The following ROBO1 variants were observed in gnomAD, a reference collection of about 807,000 sequenced individuals.
The protein encoded by ROBO1 is roundabout guidance receptor 1.
In ROBO1, 149 loss-of-function variants were observed where a neutral mutation model predicts 195.9. The ratio of observed to expected loss-of-function variants is 0.76; its 90% CI spans 0.67 to 0.87. The LOEUF (loss-of-function observed/expected upper bound fraction) is 0.87. Ranked by LOEUF, ROBO1 falls within the 40% of genes least tolerant of loss-of-function variation. ROBO1 has a pLI of 0.00. For synonymous variants in ROBO1, 816 were observed against 733.2 expected (o/e 1.11, Z -1.82); for missense variants, 1,933 against 2,068.3 (o/e 0.93, Z 1.27).
chr3:79,643,829 G>T (rs906354587), intron 1 of ROBO1, among the ~76,000 whole-genome samples: 1 of 152,034 alleles, frequency 6.6e-6, no homozygotes, highest in South Asian at 2.1e-4. Flanking sequence ...AAGAGAGGAG[G>T]CATGCACAAA....
chr3:79,166,405 T>C (rs1452618072), intron 2 of ROBO1, among the ~76,000 whole-genome samples: 4 of 152,160 alleles, frequency 2.6e-5, no homozygotes, highest in Non-Finnish European at 5.9e-5. Flanking sequence ...TTTTTTATTC[T>C]TGTAGAATTA....
At chr3:78,792,251 G>C (rs2084042960) in intron 4 of ROBO1, among the ~76,000 whole-genome samples, 1 of 152,140 alleles carries the variant, frequency 6.6e-6, no homozygotes. Flanking sequence ...GGTGATGGTA[G>C]GTGTCATTTC....
At chr3:79,690,735 T>TA (rs1258311697) in intron 1 of ROBO1, among the ~76,000 whole-genome samples, 8 of 152,040 alleles carry the variant, frequency 5.3e-5, no homozygotes, top group Non-Finnish European at 1.0e-4. Context: ...GAGCACTTTT[T>TA]ACCTCAGTGT....
At chr3:79,478,017 T>A (rs565163672) in intron 2 of ROBO1, among the ~76,000 whole-genome samples, 2 of 152,298 alleles carry the variant, frequency 1.3e-5, no homozygotes, top group South Asian at 4.1e-4. Context: ...AGTGCATGTT[T>A]TCCCTTCTTC....
At chr3:78,607,085 T>G in intron 28 of ROBO1, 44 bp from the exon 29 acceptor site, 1 of 1,527,540 alleles carries the variant, frequency 6.5e-7, no homozygotes, top group Non-Finnish European at 8.9e-7. Flanking sequence ...GTCTGCTGCT[T>G]ATAAAATCAT....
chr3:78,947,854 C>A (rs760344571), intron 3 of ROBO1, among the ~76,000 whole-genome samples: 9 of 152,028 alleles, frequency 5.9e-5, no homozygotes, highest in African/African-American at 2.2e-4. Context: ...ACCACCAATC[C>A]CACAGAAACA....
intron 2 of ROBO1, among the ~76,000 whole-genome samples, chr3:79,487,302 G>A (rs1336643649): frequency 6.6e-6 from 1 of 152,108 alleles, no homozygotes; most frequent in Non-Finnish European, 1.5e-5. Flanking sequence ...TCCCTGTAAA[G>A]CATGTGCAAC....
At chr3:78,627,677 TCA>T (rs1288181461) in intron 25 of ROBO1, 108 bp from the exon 26 acceptor site, 4 of 1,183,378 alleles carry the variant, frequency 3.4e-6, no homozygotes, top group Non-Finnish European at 4.7e-6. Context: ...CTGAACGTTC[TCA>T]GTCACATTAA....
At chr3:79,381,369 AAAAAAAAAGAAAAG>A (rs1218053965) in intron 2 of ROBO1, among the ~76,000 whole-genome samples, 9 of 116,484 alleles carry the variant, frequency 7.7e-5, no homozygotes, top group Admixed American at 3.4e-4. Context: ...AAAAAAAAAA[AAAAAAAAAGAAAAG>A]AAAAGAAAAG....
At chr3:79,431,969 G>A (rs2038696766) in intron 2 of ROBO1, among the ~76,000 whole-genome samples, 1 of 152,030 alleles carries the variant, frequency 6.6e-6, no homozygotes, top group Admixed American at 6.6e-5. Context: ...AACACTCTTA[G>A]TAGATAAAAT....
At chr3:79,243,084 T>C (rs1374483351) in intron 2 of ROBO1, among the ~76,000 whole-genome samples, 2 of 149,698 alleles carry the variant, frequency 1.3e-5, no homozygotes, top group African/African-American at 2.4e-5. Flanking sequence ...ACATGTGGTG[T>C]TTGGTTTTTT....
At chr3:79,206,437 T>C (rs1362751775) in intron 2 of ROBO1, among the ~76,000 whole-genome samples, 1 of 152,124 alleles carries the variant, frequency 6.6e-6, no homozygotes, top group African/African-American at 2.4e-5. Context: ...AGAAAAAATA[T>C]TGTATGCTGA....
intron 1 of ROBO1, among the ~76,000 whole-genome samples, chr3:79,645,755 T>C (rs1340943585): frequency 6.6e-6 from 1 of 152,060 alleles, no homozygotes; most frequent in Non-Finnish European, 1.5e-5. Flanking sequence ...GTCAACATGA[T>C]ACTGGTATAG....
chr3:78,858,407 C>T (rs1370492958), intron 4 of ROBO1, among the ~76,000 whole-genome samples: 3 of 151,818 alleles, frequency 2.0e-5, no homozygotes, highest in African/African-American at 7.3e-5. Context: ...CAGTGTTGGC[C>T]AGTCTCAGCA....
chr3:78,627,091 A>AAT (rs1704844202), intron 26 of ROBO1, among the ~76,000 whole-genome samples: 1 of 152,232 alleles, frequency 6.6e-6, no homozygotes, highest in Admixed American at 6.5e-5. Flanking sequence ...TAAGTGGGTG[A>AAT]GTATTAATAC....
At chr3:78,818,915 T>C (rs1462968994) in intron 4 of ROBO1, among the ~76,000 whole-genome samples, 4 of 152,198 alleles carry the variant, frequency 2.6e-5, no homozygotes, top group African/African-American at 9.6e-5. Flanking sequence ...TATATTGTTA[T>C]AATTGTTCTA....
At chr3:78,681,451 G>GT (rs1451699402) in intron 10 of ROBO1, among the ~76,000 whole-genome samples, 6 of 152,136 alleles carry the variant, frequency 3.9e-5, no homozygotes, top group African/African-American at 1.4e-4. Flanking sequence ...AATGTCTAAC[G>GT]AAGAACATAG....
chr3:78,998,593 C>T (rs1463990208), intron 3 of ROBO1, among the ~76,000 whole-genome samples: 1 of 152,064 alleles, frequency 6.6e-6, no homozygotes, highest in Non-Finnish European at 1.5e-5. Context: ...CTTCCCTTAC[C>T]GCTTAAGTCC....
intron 10 of ROBO1, among the ~76,000 whole-genome samples, chr3:78,671,930 C>G (rs898629985): frequency 2.2e-4 from 33 of 152,262 alleles, no homozygotes; most frequent in African/African-American, 7.9e-4. Flanking sequence ...CCTCCCCATT[C>G]CATCCCAAAC....
Sources: gnomAD v4.1 joint callset for allele counts (sites outside exome capture counted in the v4.1 genomes callset) on GRCh38, gnomAD v4.1.1 for gene constraint, MANE v1.5 for transcripts, NCBI Gene and HGNC (gene_info 2026-07-23, HGNC 2026-07-21) for gene names.